The following ZNG1A variants were observed in gnomAD, a reference collection of about 807,000 sequenced individuals.
The protein encoded by ZNG1A is zinc-regulated GTPase metalloprotein activator 1A.
chr9:139,843 C>G, the ZNG1A span, among the ~76,000 whole-genome samples: 4 of 150,670 alleles, frequency 2.7e-5, no homozygotes, highest in Non-Finnish European at 5.9e-5. Context: ...GGCATTGCCT[C>G]ACTTGGGAAG....
At chr9:139,790 G>C in the ZNG1A span, among the ~76,000 whole-genome samples, 6 of 151,542 alleles carry the variant, frequency 4.0e-5, no homozygotes, top group African/African-American at 1.2e-4. Flanking sequence ...AGTGGGCGCA[G>C]GTCAGTGGGT....
chr9:154,322 G>A, the ZNG1A span: 5 of 325,552 alleles, frequency 1.5e-5, no homozygotes, highest in Non-Finnish European at 2.8e-5. Flanking sequence ...AAGAACTCAG[G>A]GATTGGCAGA....
the ZNG1A span, among the ~76,000 whole-genome samples, chr9:135,853 G>C: frequency 1.1e-5 from 1 of 95,140 alleles, no homozygotes; most frequent in Non-Finnish European, 1.9e-5. Context: ...TTCCCAGCTG[G>C]TTGCTCAGGA....
chr9:162,302 T>C, the ZNG1A span: 7 of 831,770 alleles, frequency 8.4e-6, no homozygotes, highest in Non-Finnish European at 1.2e-5. Context: ...CACCTATTGT[T>C]CAGGATATCT....
At chr9:142,657 T>A in the ZNG1A span, among the ~76,000 whole-genome samples, 2 of 104,142 alleles carry the variant, frequency 1.9e-5, no homozygotes, top group African/African-American at 4.5e-5. Flanking sequence ...GCAAACACAT[T>A]CAAAAGCTAG....
At chr9:162,590 A>C in the ZNG1A span, 1 of 797,862 alleles carries the variant, frequency 1.3e-6, no homozygotes, top group Non-Finnish European at 1.9e-6. Flanking sequence ...CTACTCAATA[A>C]AACAATGTAC....
At chr9:148,745 C>T in the ZNG1A span, 1 of 148,696 alleles carries the variant, frequency 6.7e-6, no homozygotes, top group Non-Finnish European at 1.5e-5. Flanking sequence ...AAAAGAGAGG[C>T]TTTCAATTTT....
At chr9:161,237 G>A in the ZNG1A span, among the ~76,000 whole-genome samples, 2 of 152,162 alleles carry the variant, frequency 1.3e-5, no homozygotes, top group Non-Finnish European at 2.9e-5. Context: ...GGGAGGCCGA[G>A]GCGGGTGGAT....
At chr9:147,762 A>T in the ZNG1A span, 1 of 148,350 alleles carries the variant, frequency 6.7e-6, no homozygotes, top group Middle Eastern at 3.2e-3. Context: ...GGTCACAGAC[A>T]AGGGGCACGG....
chr9:162,483 A>C, the ZNG1A span: 4 of 1,549,114 alleles, frequency 2.6e-6, no homozygotes, highest in Non-Finnish European at 3.5e-6. Flanking sequence ...CAAAGGAAAA[A>C]ACATTTTAAT....
chr9:155,713 C>T, the ZNG1A span, among the ~76,000 whole-genome samples: 1 of 152,174 alleles, frequency 6.6e-6, no homozygotes, highest in East Asian at 1.9e-4. Context: ...CAGGTTTCAA[C>T]AGTATGTACA....
chr9:170,694 T>C, the ZNG1A span, among the ~76,000 whole-genome samples: 1 of 141,304 alleles, frequency 7.1e-6, no homozygotes, highest in Non-Finnish European at 1.5e-5. Flanking sequence ...CCCCTACTTG[T>C]ATATCACAAA....
At chr9:162,489 T>G in the ZNG1A span, 1 of 1,555,540 alleles carries the variant, frequency 6.4e-7, no homozygotes, top group Middle Eastern at 2.4e-4. Flanking sequence ...AAAAAACATT[T>G]TAATCACTTT....
chr9:151,964 C>T, the ZNG1A span: 1 of 438,336 alleles, frequency 2.3e-6, no homozygotes, highest in Non-Finnish European at 4.1e-6. Context: ...GCATATTTGT[C>T]AATTATTTAA....
chr9:178,389 A>G, the ZNG1A span, among the ~76,000 whole-genome samples: 2 of 151,082 alleles, frequency 1.3e-5, no homozygotes, highest in Admixed American at 1.3e-4. Flanking sequence ...CGAAAGCCCC[A>G]CGTGTCGGGC....
chr9:122,638 TG>T, the ZNG1A span: 158,999 of 978,956 alleles, frequency 0.16, 4,914 homozygotes, highest in East Asian at 0.3. Flanking sequence ...CTGGCTCCTA[TG>T]GGGATGAAAT....
At chr9:154,767 T>C in the ZNG1A span, 4 of 1,596,558 alleles carry the variant, frequency 2.5e-6, no homozygotes, top group East Asian at 2.2e-5. Context: ...GTTTTATTAA[T>C]GAGAATGGCA....
the ZNG1A span, among the ~76,000 whole-genome samples, chr9:177,258 G>A: frequency 6.6e-6 from 1 of 152,098 alleles, no homozygotes; most frequent in East Asian, 1.9e-4. Flanking sequence ...TAACCCATAG[G>A]GATGCCACTG....
chr9:177,579 T>C, the ZNG1A span: 8 of 1,470,892 alleles, frequency 5.4e-6, no homozygotes, highest in Non-Finnish European at 1.8e-6. Context: ...AAAAATGTAG[T>C]AGAAGCCAAA....
Sources: allele counts gnomAD v4.1 joint callset (sites outside exome capture counted in the v4.1 genomes callset), GRCh38; gene constraint gnomAD v4.1.1; transcripts MANE v1.5; gene names NCBI Gene and HGNC (gene_info 2026-07-23, HGNC 2026-07-21).